CEP350: variants seen among roughly 807,000 people sequenced by gnomAD.
CEP350 encodes the protein centrosome-associated protein 350.
A neutral mutation model predicts 331.8 loss-of-function variants in CEP350; 126 were observed. That is an observed-to-expected ratio of 0.38 (90% CI 0.33 to 0.44). CEP350 has a LOEUF of 0.44. Ranked by LOEUF, CEP350 falls within the 20% of genes least tolerant of loss-of-function variation. CEP350 has a pLI of 1.00. For synonymous variants in CEP350, 1,200 were observed against 1,259.5 expected (o/e 0.95, Z 1.00); for missense variants, 3,406 against 3,634.6 (o/e 0.94, Z 1.62).
intron 3 of CEP350, among the ~76,000 whole-genome samples, chr1:179,990,050 G>T (rs931163293): frequency 6.6e-6 from 1 of 151,544 alleles, no homozygotes; most frequent in Non-Finnish European, 1.5e-5. Context: ...TTAGCCCGGC[G>T]TGGTGGCGCA....
chr1:180,041,191 A>C lies in CEP350; in HGVS notation c.4164A>C (p.Glu1388Asp), dbSNP rs374384678. 1 of 1,599,092 alleles carries C rather than the reference A, an allele frequency of 6.3e-7. No individual in the cohort carries two copies. Among genetic ancestry groups the C allele is most frequent in the East Asian group, 2.3e-5 (1 of 44,386 alleles). Residue 1388 changes from glutamate (E) to aspartate (D), a missense_variant, in exon 18 of 38, where the codon GAA becomes GAC. This residue lies in a region of CEP350 where 1,857 missense variants were observed against 1,909.2 expected (regional missense o/e 0.97). Coordinates refer to ENST00000367607, the MANE Select transcript of CEP350 (RefSeq NM_014810.5). ...TGGCCCTCTTGAAACTAAAGGCTGA[A>C]CAAGAGGCTCTGGAGAGTCAGAGAC... ...RDLALLKLKA[E>D]QEALESQRQL...
intron 3 of CEP350, among the ~76,000 whole-genome samples, chr1:179,989,831 T>G (rs1652919146): frequency 6.6e-6 from 1 of 152,202 alleles, no homozygotes; most frequent in Non-Finnish European, 1.5e-5. Context: ...AGGTAAATAA[T>G]TCTTTCCTCA....
chr1:180,080,716 C>G (rs1356355782), intron 30 of CEP350, 55 bp downstream of exon 30: 6 of 1,472,166 alleles, frequency 4.1e-6, no homozygotes, highest in Non-Finnish European at 5.7e-6. Context: ...AGCCTTTACT[C>G]TAAAAGGCTT....
rs1399351438 is a variant in CEP350 at position 179,960,568 on chromosome 1, CAA to C, written c.-14+5427_-14+5428del. On this transcript the variant is annotated intron_variant, in intron 1 of 37. Transcript: ENST00000367607. ...CAAACTACCAGTTTGAGATACCACA[CAA>C]GAGATTGTGTTCCATTTTTTTTGAT... is the stretch of plus-strand genomic sequence containing the variant. Among the ~76,000 whole-genome samples the C allele has an allele frequency of 2.6e-5, 4 of 152,082 alleles. No homozygotes were observed. The East Asian group carries it at 5.8e-4, about 22-fold the overall frequency.
rs762879388 is a variant in CEP350, at chr1:180,078,656, T to C, written c.5961T>C (p.Ser1987=). The change falls in exon 29 of 38, where the codon TCT becomes TCC. Residue 1987 remains serine (S), a synonymous_variant. Coordinates refer to ENST00000367607, the MANE Select transcript of CEP350 (RefSeq NM_014810.5). ...TTTGTTCACAGGAACTAGAATCTTC[T>C]ACCTCTCCTAGTAAACATGTAAGTT... The part of the protein sequence containing the change: ...EMICSQELES[S]TSPSKHSLPK... 1.0e-5 allele frequency: 16 copies of C among 1,606,994 alleles called. No individual in the cohort carries two copies. Among genetic ancestry groups the C allele is most frequent in the East Asian group, 2.2e-5 (1 of 44,732 alleles).
At chr1:179,987,448 C>G (rs1029947667) in intron 3 of CEP350, among the ~76,000 whole-genome samples, 162 bp downstream of exon 3, 2 of 146,900 alleles carry the variant, frequency 1.4e-5, no homozygotes, top group Non-Finnish European at 1.5e-5. Context: ...TATGTATACA[C>G]TATATATAAT....
Position 180,095,864 on chromosome 1 carries a change from A to G in CEP350, c.8853A>G (p.Thr2951=), listed in dbSNP as rs1387333658. The G allele has an allele frequency of 6.2e-7, 1 of 1,613,584 alleles. No homozygotes were observed. Among genetic ancestry groups the G allele is most frequent in the Admixed American group, 1.7e-5 (1 of 59,940 alleles). The part of the protein sequence containing the change: ...GHDLHSISIP[T]KLLGCASKGL... ...ATCTTCATAGCATCAGTATTCCTAC[A>G]AAACTGCTTGGCTGTGCCAGTAAAG... is the stretch of plus-strand genomic sequence containing the variant. Residue 2951 remains threonine, a synonymous_variant, in exon 35 of 38, where the codon ACA becomes ACG. Coordinates refer to ENST00000367607, the MANE Select transcript of CEP350 (RefSeq NM_014810.5).
rs1571839135 is a variant in CEP350 at position 179,996,743 on chromosome 1, T to G, written c.586T>G (p.Phe196Val). ...TGTCATCAATGATACAGTTGTTAGG[T>G]TTTTAAATGATCGACCAGCAATTGA... is the stretch of plus-strand genomic sequence containing the variant. ...SSVINDTVVRFLNDRPAIDAL... is the reference protein window; with the variant it reads ...SSVINDTVVRVLNDRPAIDAL... Residue 196 changes from phenylalanine (F) to valine (V), a missense_variant, in exon 6 of 38, where the codon TTT (phenylalanine) becomes GTT (valine). Around this residue, in one of 5 missense-constraint regions of CEP350, gnomAD observed 1,857 missense variants for 1,909.2 expected, o/e 0.97. Transcript: ENST00000367607. 6.2e-7 allele frequency: 1 copy of G among 1,613,428 alleles called. No individual in the cohort carries two copies. The highest frequency in any genetic ancestry group is 2.2e-5 in the East Asian group (1 of 44,870).
chr1:180,076,385 A>G (rs1469587196), intron 28 of CEP350, among the ~76,000 whole-genome samples: 1 of 152,256 alleles, frequency 6.6e-6, no homozygotes, highest in Non-Finnish European at 1.5e-5. Context: ...CTAATACTTA[A>G]TGACAGAGTA....
At chr1:180,030,064 T>G (rs1655913758) in intron 14 of CEP350, among the ~76,000 whole-genome samples, 1 of 152,060 alleles carries the variant, frequency 6.6e-6, no homozygotes, top group Non-Finnish European at 1.5e-5. Context: ...CATTCATCAG[T>G]TCACGGACAT....
chr1:179,977,131 G>A (rs1258516620), intron 1 of CEP350, among the ~76,000 whole-genome samples: 3 of 152,114 alleles, frequency 2.0e-5, no homozygotes, highest in East Asian at 3.9e-4. Flanking sequence ...CTTTTGAGTC[G>A]CTTCCTTAGG....
In CEP350 at chr1:180,033,852, A is replaced by G. The variant is rs1656180663; in HGVS notation, c.3726-10A>G. On this transcript the variant is annotated splice_polypyrimidine_tract_variant and intron_variant, in intron 15 of 37. Coordinates refer to ENST00000367607, the MANE Select transcript of CEP350 (RefSeq NM_014810.5). ...CTTCCTCTAATGTTTTTGTGGATCA[A>G]AACTTCTAGTGTCTCATCAGATAAG... 4 of 1,610,438 alleles carry G rather than the reference A, an allele frequency of 2.5e-6. No homozygotes were observed. Among genetic ancestry groups the G allele is most frequent in the Middle Eastern group, 1.6e-4 (1 of 6,070 alleles).
rs1190507179 is a variant in CEP350, at chr1:179,986,153, A to T, written c.-13-16A>T. 6.5e-7 allele frequency: 1 copy of T among 1,540,500 alleles called. No homozygotes were observed. Among genetic ancestry groups the T allele is most frequent in the Admixed American group, 2.0e-5 (1 of 50,782 alleles). ...ATTATAAGATTGATGTTCGGTGAAT[A>T]CTGATGTGATTGCAGGTAAATTGGC... On this transcript the variant is annotated splice_polypyrimidine_tract_variant and intron_variant, in intron 1 of 37. Transcript: ENST00000367607.
intron 30 of CEP350, 79 bp downstream of exon 30, chr1:180,080,740 G>C: frequency 7.9e-7 from 1 of 1,264,768 alleles, no homozygotes; most frequent in Non-Finnish European, 1.1e-6. Context: ...GGAGTTTGTT[G>C]ACCTTAGGAA....
At chr1:179,981,432 A>T (rs1227722626) in intron 1 of CEP350, among the ~76,000 whole-genome samples, 2 of 152,192 alleles carry the variant, frequency 1.3e-5, no homozygotes, top group Non-Finnish European at 2.9e-5. Flanking sequence ...AAAAGGCCTT[A>T]TGCAAATTGA....
At position 180,020,507 on chromosome 1, in the gene CEP350, T is replaced by C. The variant is rs1192164874; in HGVS notation, c.2733T>C (p.Pro911=). ...VSHATFDDDL[P]GVGNLSEFKK... ...ATGCAACTTTTGATGATGATCTTCCTGGTGTAGGCAATCTTAGTGAATTTA... is the reference window on the plus strand; with the variant it reads ...ATGCAACTTTTGATGATGATCTTCCCGGTGTAGGCAATCTTAGTGAATTTA... Residue 911 remains proline (P), a synonymous_variant, in exon 12 of 38, where the codon CCT becomes CCC. Transcript: ENST00000367607. 6.2e-7 allele frequency: 1 copy of C among 1,614,012 alleles called. No homozygotes were observed. Among genetic ancestry groups the C allele is most frequent in the Admixed American group, 1.7e-5 (1 of 60,020 alleles).
chr1:180,022,626 A>G, intron 12 of CEP350, 72 bp from the exon 13 acceptor site: 1 of 1,364,734 alleles, frequency 7.3e-7, no homozygotes, highest in Non-Finnish European at 1.0e-6. Context: ...GCTAATCTCC[A>G]TGTATGGGAT....
intron 1 of CEP350, among the ~76,000 whole-genome samples, chr1:179,967,822 C>T (rs145078347): frequency 1.3e-5 from 2 of 152,180 alleles, no homozygotes; most frequent in African/African-American, 4.8e-5. Flanking sequence ...TGTATGCACA[C>T]GTATACTTAT....
chr1:180,011,485 G>A (rs1654653655), intron 8 of CEP350, among the ~76,000 whole-genome samples: 1 of 152,112 alleles, frequency 6.6e-6, no homozygotes. Flanking sequence ...CTGTCACCAG[G>A]CTGGAGTGCA....
Sources: allele counts gnomAD v4.1 joint callset (sites outside exome capture counted in the v4.1 genomes callset), GRCh38; gene constraint gnomAD v4.1.1; regional missense constraint gnomAD v4.1.1; transcripts MANE v1.5; gene names NCBI Gene and HGNC (gene_info 2026-07-23, HGNC 2026-07-21).